NRXN1: variants seen among roughly 807,000 people sequenced by gnomAD.
NRXN1 encodes the protein neurexin-1.
NRXN1 carries 39 observed loss-of-function variants against 150.9 expected under a neutral mutation model. That is an observed-to-expected ratio of 0.26 (90% CI 0.20 to 0.34). The LOEUF is 0.34. Among genes scored for constraint, NRXN1 ranks in the 10% least tolerant of loss-of-function variants. NRXN1 has a pLI of 1.00. For missense variants in NRXN1, 1,815 were observed against 1,949.9 expected, an observed-to-expected ratio of 0.93 and a Z score of 1.30; for synonymous variants, 924 against 757.0, an observed-to-expected ratio of 1.22 and a Z score of -3.62.
rs879050750 is a variant in NRXN1 at position 50,538,328 on chromosome 2, T to A, written c.2068A>T (p.Met690Leu). 2 of 1,613,982 alleles carry A rather than the reference T, an allele frequency of 1.2e-6. No homozygotes were observed. Among genetic ancestry groups the A allele is most frequent in the Non-Finnish European group, 1.7e-6 (2 of 1,179,858 alleles). ...TATCTGTTCCACCCATCCCTGCACA[T>A]GCCATTGTTTTTGCAAGGGTTGCTA... is the stretch of plus-strand genomic sequence containing the variant. ...CLSNPCKNNGMCRDGWNRYVC... is the reference protein window; with the variant it reads ...CLSNPCKNNGLCRDGWNRYVC... The change falls in exon 10 of 23, where the codon ATG (methionine) becomes TTG (leucine). Residue 690 changes from methionine to leucine, a missense_variant. Met to Leu is a conservative substitution (Grantham distance 15, BLOSUM62 2). Around this residue, in one of 6 missense-constraint regions of NRXN1, gnomAD observed 638 missense variants for 652.6 expected, o/e 0.98. Coordinates refer to ENST00000401669, the MANE Select transcript of NRXN1 (RefSeq NM_001330078.2).
intron 17 of NRXN1, among the ~76,000 whole-genome samples, chr2:50,288,403 C>T (rs2072476918): frequency 6.6e-6 from 1 of 151,894 alleles, no homozygotes; most frequent in South Asian, 2.1e-4. Context: ...GTCAGTAATG[C>T]CACAGTTGAG....
At chr2:50,180,190 T>A (rs1403723337) in intron 18 of NRXN1, among the ~76,000 whole-genome samples, 1 of 150,914 alleles carries the variant, frequency 6.6e-6, no homozygotes, top group East Asian at 2.0e-4. Flanking sequence ...TCTGGCTAAT[T>A]TAAAAAAAAA....
At chr2:51,004,417 C>T (rs1700448762) in intron 2 of NRXN1, among the ~76,000 whole-genome samples, 1 of 151,828 alleles carries the variant, frequency 6.6e-6, no homozygotes. Context: ...AAGTCATCAG[C>T]CTAGCTGAAA....
chr2:50,899,581 A>T (rs778466748), intron 5 of NRXN1, among the ~76,000 whole-genome samples: 3 of 152,152 alleles, frequency 2.0e-5, no homozygotes, highest in East Asian at 3.9e-4. Context: ...TTTTTAAAAA[A>T]TTTAAAAAAG....
At chr2:50,112,704 G>A (rs2152726670) in intron 18 of NRXN1, among the ~76,000 whole-genome samples, 1 of 152,270 alleles carries the variant, frequency 6.6e-6, no homozygotes, top group South Asian at 2.1e-4. Context: ...CCAGGCCCAT[G>A]TGGGGCAAGC....
chr2:50,855,329 A>G (rs1201743555), intron 5 of NRXN1, among the ~76,000 whole-genome samples: 2 of 152,082 alleles, frequency 1.3e-5, no homozygotes, highest in African/African-American at 2.4e-5. Flanking sequence ...AATATTTTAA[A>G]TATTCCAAAA....
chr2:50,857,137 C>T (rs1000840192), intron 5 of NRXN1, among the ~76,000 whole-genome samples: 2 of 152,068 alleles, frequency 1.3e-5, no homozygotes, highest in African/African-American at 2.4e-5. Flanking sequence ...ATTTTAATTA[C>T]TAAGATGCTT....
chr2:50,742,645 T>C (rs1173344876), intron 5 of NRXN1, among the ~76,000 whole-genome samples: 6 of 151,510 alleles, frequency 4.0e-5, no homozygotes, highest in Non-Finnish European at 8.8e-5. Context: ...CCCAAGTCTA[T>C]ATGATTATAG....
chr2:50,663,666 A>C (rs569632013), intron 5 of NRXN1, among the ~76,000 whole-genome samples: 3 of 152,042 alleles, frequency 2.0e-5, no homozygotes, highest in Non-Finnish European at 4.4e-5. Context: ...TAGTAAAGGT[A>C]ATTTCAATTC....
chr2:50,033,894 C>T (rs751862063), intron 21 of NRXN1, among the ~76,000 whole-genome samples: 3 of 150,424 alleles, frequency 2.0e-5, no homozygotes, highest in African/African-American at 4.9e-5. Flanking sequence ...CATCATTGAT[C>T]GTTAAAGAAA....
chr2:50,150,623 G>C lies in NRXN1; in HGVS notation c.3547-59129C>G, dbSNP rs143747029. On this transcript the variant is annotated intron_variant, in intron 18 of 22. Transcript: ENST00000401669. ...CTGCAGAAAGATAACAGGTTTTGTA[G>C]AATAAAGAAGAATCATTTAGGAATT... Among the ~76,000 whole-genome samples the C allele has an allele frequency of 6.3e-3, 952 of 151,878 alleles. 9 individuals are homozygous for C. The highest frequency in any genetic ancestry group is 0.045 in the South Asian group (217 of 4,828).
At chr2:50,875,256 A>C (rs1678397286) in intron 5 of NRXN1, among the ~76,000 whole-genome samples, 1 of 151,724 alleles carries the variant, frequency 6.6e-6, no homozygotes, top group Admixed American at 6.6e-5. Context: ...TTGACCATAT[A>C]ACTTCTTCAC....
At chr2:50,697,800 T>C (rs980271180) in intron 5 of NRXN1, among the ~76,000 whole-genome samples, 6 of 152,216 alleles carry the variant, frequency 3.9e-5, no homozygotes, top group African/African-American at 1.4e-4. Context: ...TCATTTTCTT[T>C]CTTTTCTCTG....
chr2:50,839,218 C>G (rs999481082), intron 5 of NRXN1, among the ~76,000 whole-genome samples: 8 of 152,028 alleles, frequency 5.3e-5, no homozygotes, highest in African/African-American at 9.7e-5. Flanking sequence ...ATTTCTGAAG[C>G]CTTTTTAATC....
chr2:50,491,642 G>A (rs1033266936), intron 15 of NRXN1, among the ~76,000 whole-genome samples: 4 of 152,144 alleles, frequency 2.6e-5, no homozygotes, highest in Non-Finnish European at 4.4e-5. Context: ...AACAGAGGAG[G>A]AAGAAAGGAC....
chr2:50,600,809 G>C (rs1166836218), intron 8 of NRXN1, among the ~76,000 whole-genome samples: 1 of 152,138 alleles, frequency 6.6e-6, no homozygotes, highest in Non-Finnish European at 1.5e-5. Context: ...AGGTTAATTT[G>C]AGATATGCTG....
intron 5 of NRXN1, among the ~76,000 whole-genome samples, chr2:50,643,777 A>C (rs1684402739): frequency 6.6e-6 from 1 of 151,818 alleles, no homozygotes; most frequent in African/African-American, 2.4e-5. Flanking sequence ...CCAGAACTAG[A>C]CTGTTTTAAT....
At chr2:50,415,052 T>C (rs556088895) in intron 17 of NRXN1, among the ~76,000 whole-genome samples, 3 of 152,116 alleles carry the variant, frequency 2.0e-5, no homozygotes, top group African/African-American at 7.2e-5. Flanking sequence ...ACATTAAACA[T>C]AGTTCTACAT....
intron 5 of NRXN1, among the ~76,000 whole-genome samples, chr2:50,756,568 A>AT (rs1442294399): frequency 6.6e-6 from 1 of 151,796 alleles, no homozygotes; most frequent in African/African-American, 2.4e-5. Context: ...CAGCGACTGC[A>AT]TTTTTTTGCA....
Sources: gnomAD v4.1 joint callset for allele counts (sites outside exome capture counted in the v4.1 genomes callset) on GRCh38, gnomAD v4.1.1 for gene constraint, gnomAD v4.1.1 regional missense constraint, MANE v1.5 for transcripts, NCBI Gene and HGNC (gene_info 2026-07-23, HGNC 2026-07-21) for gene names.